DNAJC1: variants seen among roughly 807,000 people sequenced by gnomAD.
DNAJC1 encodes dnaJ homolog subfamily C member 1.
DNAJC1 carries 58 observed loss-of-function variants against 76.6 expected under a neutral mutation model. The ratio of observed to expected loss-of-function variants is 0.76; its 90% CI spans 0.61 to 0.94. The LOEUF (loss-of-function observed/expected upper bound fraction) is 0.94, where lower values mean the gene tolerates loss of function less well. Ranked by LOEUF, DNAJC1 falls within the 40% of genes least tolerant of loss-of-function variation. The probability of loss-of-function intolerance (pLI) is 0.00; values close to 1 mark genes in which losing one functional copy is unlikely to be tolerated. For missense variants in DNAJC1, 689 were observed against 677.3 expected (o/e 1.02, Z -0.19); for synonymous variants, 258 against 267.9 (o/e 0.96, Z 0.36).
intron 1 of DNAJC1, among the ~76,000 whole-genome samples, chr10:21,962,746 T>A (rs1490403789): frequency 6.6e-6 from 1 of 151,518 alleles, no homozygotes; most frequent in Admixed American, 6.6e-5. Flanking sequence ...TGTGTTATGT[T>A]GCATTTAGCA....
At chr10:21,995,421 T>C (rs1838400392) in intron 1 of DNAJC1, among the ~76,000 whole-genome samples, 3 of 152,238 alleles carry the variant, frequency 2.0e-5, no homozygotes, top group African/African-American at 7.2e-5. Context: ...AGGAGTTGTA[T>C]GTATTCCAGA....
chr10:21,964,220 A>T (rs1406427292), intron 1 of DNAJC1, among the ~76,000 whole-genome samples: 1 of 151,982 alleles, frequency 6.6e-6, no homozygotes, highest in Non-Finnish European at 1.5e-5. Flanking sequence ...TTATTTTATT[A>T]TTTTATTTTT....
At chr10:21,759,811 A>T (rs921730884) in intron 10 of DNAJC1, among the ~76,000 whole-genome samples, 193 bp from the exon 11 acceptor site, 8 of 152,148 alleles carry the variant, frequency 5.3e-5, no homozygotes, top group African/African-American at 1.7e-4. Context: ...GAAAAAGAAG[A>T]CTCAGAAAGC....
At chr10:21,823,738 TAAA>T (rs78004342) in intron 8 of DNAJC1, among the ~76,000 whole-genome samples, 3 of 131,466 alleles carry the variant, frequency 2.3e-5, no homozygotes, top group Non-Finnish European at 1.6e-5. Context: ...CTGACCAGCT[TAAA>T]AAAAAAAAAA....
intron 1 of DNAJC1, among the ~76,000 whole-genome samples, chr10:21,946,913 G>C (rs557933044): frequency 3.3e-5 from 5 of 152,160 alleles, no homozygotes; most frequent in South Asian, 2.1e-4. Context: ...GGTCATGAGG[G>C]CTCCACCCTC....
chr10:21,833,948 T>TA lies in DNAJC1; in HGVS notation c.979-27850dup, dbSNP rs758285793. 2.3e-3 allele frequency among the ~76,000 whole-genome samples: 350 copies of TA among 151,186 alleles called. 4 individuals are homozygous for TA. The highest frequency in any genetic ancestry group is 3.2e-3 in the Admixed American group (49 of 15,164). On this transcript the variant is annotated intron_variant, in intron 8 of 11. Coordinates refer to ENST00000376980, the MANE Select transcript of DNAJC1 (RefSeq NM_022365.4). ...GAAAGATCACTGTAGGGTAAGTTTGTAAAAAAAAATACTTTATGAAAGAGG... is the reference window on the plus strand; with the variant it reads ...GAAAGATCACTGTAGGGTAAGTTTGTAAAAAAAAAATACTTTATGAAAGAGG...
chr10:21,892,189 T>C (rs1213517066), intron 7 of DNAJC1, among the ~76,000 whole-genome samples: 2 of 151,300 alleles, frequency 1.3e-5, no homozygotes, highest in Non-Finnish European at 3.0e-5. Context: ...TAAATTCAAG[T>C]GGCATTCTAA....
intron 8 of DNAJC1, among the ~76,000 whole-genome samples, chr10:21,828,746 AC>A (rs1835305417): frequency 1.3e-5 from 2 of 152,222 alleles, no homozygotes; most frequent in African/African-American, 4.8e-5. Flanking sequence ...AAACTCAGTA[AC>A]ATTTTTGGAA....
At chr10:21,786,621 C>T (rs906094537) in intron 9 of DNAJC1, among the ~76,000 whole-genome samples, 5 of 151,858 alleles carry the variant, frequency 3.3e-5, no homozygotes, top group East Asian at 1.9e-4. Flanking sequence ...GCGTAGCAGG[C>T]GTGCGCCACC....
chr10:21,968,333 A>G (rs147926385), intron 1 of DNAJC1, among the ~76,000 whole-genome samples: 25 of 152,282 alleles, frequency 1.6e-4, no homozygotes, highest in African/African-American at 6.0e-4. Context: ...CAATCACCTT[A>G]TAAGATAAGG....
At chr10:21,760,880 G>A (rs1196436316) in intron 10 of DNAJC1, among the ~76,000 whole-genome samples, 1 of 152,190 alleles carries the variant, frequency 6.6e-6, no homozygotes, top group East Asian at 1.9e-4. Flanking sequence ...TAGCTACAAA[G>A]AGGCAGTATT....
chr10:21,970,092 T>G (rs368416541), intron 1 of DNAJC1, among the ~76,000 whole-genome samples: 1 of 152,202 alleles, frequency 6.6e-6, no homozygotes, highest in Non-Finnish European at 1.5e-5. Context: ...TTATTTGTAT[T>G]AGCATTTCTC....
At chr10:21,859,408 C>G (rs1474130602) in intron 8 of DNAJC1, among the ~76,000 whole-genome samples, 1 of 152,142 alleles carries the variant, frequency 6.6e-6, no homozygotes, top group Non-Finnish European at 1.5e-5. Context: ...AAATGAGCCA[C>G]TCCATGAGCA....
chr10:21,889,878 C>T (rs1267899477), intron 7 of DNAJC1, among the ~76,000 whole-genome samples: 1 of 152,066 alleles, frequency 6.6e-6, no homozygotes, highest in African/African-American at 2.4e-5. Flanking sequence ...GTAGTGTTAC[C>T]CCCATCCCAC....
At chr10:21,936,044 C>A (rs1158852875) in intron 1 of DNAJC1, among the ~76,000 whole-genome samples, 1 of 152,170 alleles carries the variant, frequency 6.6e-6, no homozygotes, top group African/African-American at 2.4e-5. Flanking sequence ...ATGCTGTGGT[C>A]TGAATGTTTG....
At chr10:21,802,369 T>G (rs1834823216) in intron 9 of DNAJC1, among the ~76,000 whole-genome samples, 1 of 152,290 alleles carries the variant, frequency 6.6e-6, no homozygotes, top group East Asian at 1.9e-4. Flanking sequence ...AGTTCACTGA[T>G]AAACCATAAT....
intron 11 of DNAJC1, 50 bp from the exon 12 acceptor site, chr10:21,756,805 T>C (rs1015561792): frequency 9.6e-6 from 15 of 1,569,752 alleles, no homozygotes; most frequent in Non-Finnish European, 1.3e-5. Flanking sequence ...CACAAGTCAG[T>C]GTGGTCATCA....
intron 1 of DNAJC1, among the ~76,000 whole-genome samples, chr10:21,942,379 G>C (rs772552124): frequency 1.3e-5 from 2 of 151,970 alleles, no homozygotes; most frequent in Non-Finnish European, 2.9e-5. Context: ...AATCACAGCA[G>C]AATACTTTAA....
At chr10:21,794,266 C>CA (rs542182948) in intron 9 of DNAJC1, among the ~76,000 whole-genome samples, 2,769 of 53,008 alleles carry the variant, frequency 0.052, 59 homozygotes, top group East Asian at 0.13. Context: ...TTCCTATCTT[C>CA]AAAAAAAAAA....
Sources: allele counts gnomAD v4.1 joint callset (sites outside exome capture counted in the v4.1 genomes callset), GRCh38; gene constraint gnomAD v4.1.1; transcripts MANE v1.5; gene names NCBI Gene and HGNC (gene_info 2026-07-23, HGNC 2026-07-21).